Variants in LCP1 observed in about 807,000 individuals in gnomAD.
LCP1 encodes the protein lymphocyte cytosolic protein 1.
A neutral mutation model predicts 72.0 loss-of-function variants in LCP1; 23 were observed. The observed-to-expected ratio is 0.32, with a 90% CI of 0.23 to 0.45. LCP1 has a LOEUF of 0.45. Among genes scored for constraint, LCP1 ranks in the 20% least tolerant of loss-of-function variants. The pLI is 1.00. For synonymous variants in LCP1, 245 were observed against 275.4 expected (o/e 0.89, Z 1.09); for missense variants, 571 against 748.3 (o/e 0.76, Z 2.76).
At position 46,143,274 on chromosome 13, in the gene LCP1, A is replaced by G. The variant is rs1439761304; in HGVS notation, c.1368+16T>C. The G allele has an allele frequency of 6.4e-7, 1 of 1,569,250 alleles. No homozygotes were observed. Among genetic ancestry groups the G allele is most frequent in the Non-Finnish European group, 8.8e-7 (1 of 1,139,366 alleles). On this transcript the variant is annotated intron_variant, in intron 12 of 15. Coordinates refer to ENST00000323076, the MANE Select transcript of LCP1 (RefSeq NM_002298.5). The stretch of plus-strand genomic sequence containing the variant: ...CTTTGCCTGTCTCCTGGAACAACAG[A>G]ACCATCATTGTTTACCTTCTTCATA...
Position 46,158,512 on chromosome 13 carries a change from T to G in LCP1, c.358+10A>C. On this transcript the variant is annotated intron_variant, in intron 4 of 15. Coordinates refer to ENST00000323076, the MANE Select transcript of LCP1 (RefSeq NM_002298.5). Reference sequence around the variant, plus strand: ...CTGAAATCCTGCTCCAACCCAGGAGTTGAGCCTACCTGAATAGGAGTGTTG... The same window carrying G: ...CTGAAATCCTGCTCCAACCCAGGAGGTGAGCCTACCTGAATAGGAGTGTTG... The G allele has an allele frequency of 6.2e-7, 1 of 1,612,356 alleles. No individual in the cohort carries two copies. The highest frequency in any genetic ancestry group is 8.5e-7 in the Non-Finnish European group (1 of 1,179,476).
chr13:46,157,990 G>T (rs778194986), intron 4 of LCP1, among the ~76,000 whole-genome samples: 4 of 152,140 alleles, frequency 2.6e-5, no homozygotes, highest in Admixed American at 2.0e-4. Context: ...GCCTCCCAAA[G>T]TGCTGGGATT....
At chr13:46,153,429 G>A (rs796318767) in intron 6 of LCP1, among the ~76,000 whole-genome samples, 8 of 152,262 alleles carry the variant, frequency 5.3e-5, no homozygotes, top group South Asian at 2.1e-4. Context: ...AGGCTGGCAC[G>A]GTGGCTCATG....
rs538378102 is a variant in LCP1, at chr13:46,126,626, T to A, written c.*965A>T. 8.6e-6 allele frequency: 2 copies of A among 231,852 alleles called. No homozygotes were observed. Among genetic ancestry groups the A allele is most frequent in the African/African-American group, 4.4e-5 (2 of 45,370 alleles). The allele number at this position is 231,852 out of a possible 1,614,324, so 14.4% of individuals were successfully genotyped here. The stretch of plus-strand genomic sequence containing the variant: ...CTCTAGAAGCAAAAGCAAGGTAGGA[T>A]TGCCTCCAAATGTTGACAGGTATTA... On this transcript the variant is annotated 3_prime_UTR_variant, in exon 16 of 16. Coordinates refer to ENST00000323076, the MANE Select transcript of LCP1 (RefSeq NM_002298.5).
chr13:46,161,136 TG>T (rs2045835741), intron 1 of LCP1, among the ~76,000 whole-genome samples: 1 of 152,128 alleles, frequency 6.6e-6, no homozygotes, highest in African/African-American at 2.4e-5. Flanking sequence ...AGCAACCCTT[TG>T]TTGACAGAAA....
chr13:46,153,113 G>T, intron 6 of LCP1, 168 bp from the exon 7 acceptor site: 1 of 627,942 alleles, frequency 1.6e-6, no homozygotes, highest in Non-Finnish European at 2.6e-6. Flanking sequence ...AACCAGAAGA[G>T]AAAATCCAGT....
At chr13:46,147,893 G>A (rs2045740287) in intron 9 of LCP1, among the ~76,000 whole-genome samples, 1 of 151,998 alleles carries the variant, frequency 6.6e-6, no homozygotes, top group South Asian at 2.1e-4. Context: ...CATTTCATGA[G>A]CTTTACTTGT....
At chr13:46,146,549 G>C (rs1487263022) in intron 10 of LCP1, among the ~76,000 whole-genome samples, 1 of 152,080 alleles carries the variant, frequency 6.6e-6, no homozygotes, top group Non-Finnish European at 1.5e-5. Flanking sequence ...TTTTGGAAAT[G>C]GATGGTGGCA....
rs376159932 is a variant in LCP1, at chr13:46,152,907, G to C, written c.612C>G (p.Ile204Met). ...CCCCTATGTTGACCACATGGCACCC[G>C]ATGGCTGAGGCAGAGTTCAGAGCCA... The part of the protein sequence containing the change: ...LNLALNSASA[I>M]GCHVVNIGAE... The change falls in exon 7 of 16, where the codon ATC (isoleucine) becomes ATG (methionine). Residue 204 changes from isoleucine (I) to methionine (M), a missense_variant. Coordinates refer to ENST00000323076, the MANE Select transcript of LCP1 (RefSeq NM_002298.5). 6.2e-7 allele frequency: 1 copy of C among 1,613,486 alleles called. No individual in the cohort carries two copies. The highest frequency in any genetic ancestry group is 1.1e-5 in the South Asian group (1 of 90,940).
At chr13:46,162,887 G>C (rs2045851626) in intron 1 of LCP1, among the ~76,000 whole-genome samples, 1 of 150,114 alleles carries the variant, frequency 6.7e-6, no homozygotes, top group African/African-American at 2.5e-5. Flanking sequence ...CGTCTGAGAA[G>C]TGAGGAGCCC....
At chr13:46,160,128 A>G (rs1019285291) in intron 1 of LCP1, among the ~76,000 whole-genome samples, 3 of 152,344 alleles carry the variant, frequency 2.0e-5, no homozygotes, top group Non-Finnish European at 4.4e-5. Flanking sequence ...AAAGAAGCCA[A>G]TGAAGGAGAA....
intron 3 of LCP1, 78 bp downstream of exon 3, chr13:46,158,748 T>G: frequency 6.2e-7 from 1 of 1,600,642 alleles, no homozygotes; most frequent in South Asian, 1.1e-5. Context: ...GTAAGGAATG[T>G]CTTTCTGGAT....
chr13:46,152,545 G>C (rs1049462348), intron 7 of LCP1, among the ~76,000 whole-genome samples: 1 of 152,194 alleles, frequency 6.6e-6, no homozygotes, highest in Admixed American at 6.5e-5. Context: ...ATTCAAGACT[G>C]AGCCCTATGC....
chr13:46,139,496 A>G (rs1300524515), intron 13 of LCP1, among the ~76,000 whole-genome samples: 1 of 152,236 alleles, frequency 6.6e-6, no homozygotes, highest in Non-Finnish European at 1.5e-5. Context: ...TGTCTTTGCC[A>G]TTATCTTTCC....
chr13:46,144,014 C>T (rs377554533), intron 11 of LCP1, among the ~76,000 whole-genome samples: 4 of 151,594 alleles, frequency 2.6e-5, no homozygotes, highest in African/African-American at 4.9e-5. Context: ...TGCAGTGAGC[C>T]GAGATTGCGC....
intron 1 of LCP1, among the ~76,000 whole-genome samples, chr13:46,161,927 A>C (rs2045840819): frequency 6.6e-6 from 1 of 152,240 alleles, no homozygotes; most frequent in African/African-American, 2.4e-5. Context: ...GATGTCTGAC[A>C]GCAAAATCTT....
chr13:46,177,313 C>T (rs769038596), intron 1 of LCP1, among the ~76,000 whole-genome samples: 5 of 152,130 alleles, frequency 3.3e-5, no homozygotes, highest in Non-Finnish European at 5.9e-5. Context: ...TCACAACAGA[C>T]TAGAAAATGT....
At chr13:46,178,965 A>G (rs2045944362) in intron 1 of LCP1, among the ~76,000 whole-genome samples, 1 of 152,196 alleles carries the variant, frequency 6.6e-6, no homozygotes, top group African/African-American at 2.4e-5. Flanking sequence ...TCTTTAGGTA[A>G]CAAGGAGAAG....
intron 1 of LCP1, among the ~76,000 whole-genome samples, chr13:46,163,372 C>A (rs183211917): frequency 6.6e-6 from 1 of 152,156 alleles, no homozygotes; most frequent in Non-Finnish European, 1.5e-5. Flanking sequence ...GTGCTGTGTC[C>A]ACTCAGGGTT....
Sources: allele counts gnomAD v4.1 joint callset (sites outside exome capture counted in the v4.1 genomes callset), GRCh38; gene constraint gnomAD v4.1.1; transcripts MANE v1.5; gene names NCBI Gene and HGNC (gene_info 2026-07-23, HGNC 2026-07-21).